The following RO60 variants were observed in gnomAD, a reference collection of about 807,000 sequenced individuals.
The protein encoded by RO60 is RNA-binding protein RO60.
RO60 carries 20 observed loss-of-function variants against 55.3 expected under a neutral mutation model. The observed-to-expected ratio is 0.36, with a 90% CI of 0.25 to 0.53. The LOEUF is 0.53. Among genes scored for constraint, RO60 ranks in the 20% least tolerant of loss-of-function variants. The pLI is 0.92. For synonymous variants in RO60, 213 were observed against 213.6 expected, an observed-to-expected ratio of 1.00 and a Z score of 0.02; for missense variants, 558 against 646.6, an observed-to-expected ratio of 0.86 and a Z score of 1.49.
rs375765890 is a variant in RO60 at position 193,067,013 on chromosome 1, C to T, written c.-21-2021C>T. On this transcript the variant is annotated intron_variant, in intron 1 of 8. Transcript: ENST00000400968. ...ACTACAGCACTTAATCACAATTTGC[C>T]TTCTCTGCACAAATCTTTCTGGATT... Among the ~76,000 whole-genome samples the T allele has an allele frequency of 3.2e-4, 49 of 151,936 alleles. 1 individual carries two copies. The South Asian group carries it at 6.4e-3, about 20-fold the overall frequency.
Position 193,084,711 on chromosome 1 carries a change from T to A in RO60, c.1597T>A (p.Phe533Ile). 1 of 1,613,032 alleles carries A rather than the reference T, an allele frequency of 6.2e-7. No individual in the cohort carries two copies. The highest frequency in any genetic ancestry group is 1.1e-5 in the South Asian group (1 of 90,772). ...TGGAGCTCTGGATGTAATTCGAAATTTCACATTAGATATGATTTAACCATA... is the reference window on the plus strand; with the variant it reads ...TGGAGCTCTGGATGTAATTCGAAATATCACATTAGATATGATTTAACCATA... ...DTGALDVIRNFTLDMI is the reference protein window; with the variant it reads ...DTGALDVIRNITLDMI Residue 533 changes from phenylalanine to isoleucine, a missense_variant, in exon 9 of 9, where the codon TTC (phenylalanine) becomes ATC (isoleucine). Coordinates refer to ENST00000400968, the MANE Select transcript of RO60 (RefSeq NM_001173524.2).
intron 1 of RO60, 51 bp from the exon 2 acceptor site, chr1:193,068,983 G>A (rs1558237109): frequency 1.8e-5 from 22 of 1,230,222 alleles, no homozygotes; most frequent in Non-Finnish European, 1.9e-5. Context: ...TTTTCCTTTT[G>A]TAATTTTATT....
At chr1:193,061,666 A>G (rs1672749832) in intron 1 of RO60, among the ~76,000 whole-genome samples, 1 of 152,238 alleles carries the variant, frequency 6.6e-6, no homozygotes, top group African/African-American at 2.4e-5. Context: ...GACATTGTAT[A>G]AAATATCCAC....
At position 193,075,857 on chromosome 1, in the gene RO60, G is replaced by A. The variant is rs1435025632; in HGVS notation, c.618G>A (p.Trp206Ter). The A allele has an allele frequency of 6.2e-7, 1 of 1,611,268 alleles. No individual in the cohort carries two copies. Among genetic ancestry groups the A allele is most frequent in the Non-Finnish European group, 8.5e-7 (1 of 1,178,914 alleles). ...AIVTKYITKGWKEVHELYKEK... is the reference protein window; with the variant it reads ...AIVTKYITKG ...TGACCAAATATATTACAAAGGGCTG[G>A]AAAGAAGTTCATGAATTGTATAAAG... Residue 206 changes from tryptophan to a stop codon, truncating the protein, a stop_gained, in exon 3 of 9, where the codon TGG becomes TGA. Transcript: ENST00000400968. LOFTEE classifies it high-confidence loss of function.
Position 193,059,850 on chromosome 1 carries a change from C to T in RO60, c.-22+74C>T, listed in dbSNP as rs573320368. 1 of 1,362,786 alleles carries T rather than the reference C, an allele frequency of 7.3e-7. No individual in the cohort carries two copies. The highest frequency in any genetic ancestry group is 1.1e-5 in the South Asian group (1 of 87,222). The allele number at this position is 1,362,786 out of a possible 1,614,324, so 84.4% of individuals were successfully genotyped here. A position where few individuals can be genotyped will look rare whatever the true frequency, so the allele number is the denominator to read the frequency against. ...GGACGCGCAAATTCTGACCAGTCCT[C>T]CATGTCTCTCACCCGCATCCCAGGG... On this transcript the variant is annotated intron_variant, in intron 1 of 8. Coordinates refer to ENST00000400968, the MANE Select transcript of RO60 (RefSeq NM_001173524.2). The surrounding 1 kb of genome is among the most constrained non-coding windows in gnomAD (Gnocchi z 4.9).
intron 8 of RO60, among the ~76,000 whole-genome samples, chr1:193,083,733 G>C (rs1291932044): frequency 6.6e-6 from 1 of 152,160 alleles, no homozygotes; most frequent in Non-Finnish European, 1.5e-5. Flanking sequence ...AAAGCTGCAG[G>C]TAAGGGAATA....
chr1:193,081,919 T>C (rs768820152), intron 6 of RO60, among the ~76,000 whole-genome samples: 10 of 152,180 alleles, frequency 6.6e-5, no homozygotes, highest in African/African-American at 9.6e-5. Context: ...GGCAAACTTT[T>C]TAGCTTCTTT....
At chr1:193,075,608 A>G (rs1462162520) in intron 2 of RO60, among the ~76,000 whole-genome samples, 1 of 152,096 alleles carries the variant, frequency 6.6e-6, no homozygotes, top group Non-Finnish European at 1.5e-5. Flanking sequence ...TTTTTACTCT[A>G]AAGTCTCATA....
At position 193,085,574 on chromosome 1, in the gene RO60, T is replaced by G. The variant is rs1674590861; in HGVS notation, c.*843T>G. On this transcript the variant is annotated 3_prime_UTR_variant, in exon 9 of 9. Coordinates refer to ENST00000400968, the MANE Select transcript of RO60 (RefSeq NM_001173524.2). ...TTTTCATACTCTTAAGTGTAAATAATATAAAATGTTTCAAGCGCTTAACTC... is the reference window on the plus strand; with the variant it reads ...TTTTCATACTCTTAAGTGTAAATAAGATAAAATGTTTCAAGCGCTTAACTC... 4 of 984,304 alleles carry G rather than the reference T, an allele frequency of 4.1e-6. No individual in the cohort carries two copies. The highest frequency in any genetic ancestry group is 3.6e-6 in the Non-Finnish European group (3 of 829,068). 61.0% of individuals were successfully genotyped at this position (984,304 alleles called of 1,614,324 possible).
chr1:193,060,295 TGTC>T (rs948369122), intron 1 of RO60: 24 of 332,874 alleles, frequency 7.2e-5, no homozygotes, highest in South Asian at 1.3e-4. Flanking sequence ...TGAAAACAAA[TGTC>T]GTGTATTAAT....
intron 5 of RO60, among the ~76,000 whole-genome samples, chr1:193,079,335 C>T (rs367558116): frequency 2.6e-5 from 4 of 152,268 alleles, no homozygotes; most frequent in South Asian, 2.1e-4. Flanking sequence ...GTGATCCGCC[C>T]ACCTTGGCCT....
intron 5 of RO60, among the ~76,000 whole-genome samples, chr1:193,078,619 C>A (rs1205600889): frequency 2.0e-5 from 3 of 151,904 alleles, no homozygotes; most frequent in East Asian, 1.9e-4. Flanking sequence ...ATTAAGAAAA[C>A]ATTTCCATTT....
downstream of RO60, chr1:193,091,568 G>T: frequency 2.6e-6 from 3 of 1,143,848 alleles, no homozygotes; most frequent in South Asian, 2.6e-5. Context: ...AATAGAGAAT[G>T]AATGAATATA....
intron 6 of RO60, 39 bp from the exon 7 acceptor site, chr1:193,082,147 C>T (rs777040542): frequency 2.2e-5 from 27 of 1,232,346 alleles, no homozygotes; most frequent in Admixed American, 6.9e-5. Flanking sequence ...TGTATTTCCC[C>T]CCAAATTTGC....
At chr1:193,075,495 C>T (rs948537709) in intron 2 of RO60, among the ~76,000 whole-genome samples, 3 of 151,744 alleles carry the variant, frequency 2.0e-5, no homozygotes, top group Non-Finnish European at 2.9e-5. Context: ...TCTGTACTCT[C>T]GTGAGTTGTT....
At chr1:193,062,804 G>A (rs922311329) in intron 1 of RO60, among the ~76,000 whole-genome samples, 2 of 152,152 alleles carry the variant, frequency 1.3e-5, no homozygotes, top group African/African-American at 4.8e-5. Context: ...TTTGTGACTG[G>A]CTTCTTTGAC....
At chr1:193,063,420 A>T (rs572957075) in intron 1 of RO60, among the ~76,000 whole-genome samples, 1 of 152,044 alleles carries the variant, frequency 6.6e-6, no homozygotes, top group South Asian at 2.1e-4. Context: ...TTATCATTTT[A>T]TTATTAAGTT....
chr1:193,084,735 T>C lies in RO60; in HGVS notation c.*4T>C. ...TTTCACATTAGATATGATTTAACCA[T>C]AAGCAGCAGCACGATCCAGAGATCC... On this transcript the variant is annotated 3_prime_UTR_variant, in exon 9 of 9. Coordinates refer to ENST00000400968, the MANE Select transcript of RO60 (RefSeq NM_001173524.2). The C allele has an allele frequency of 6.2e-7, 1 of 1,610,852 alleles. No homozygotes were observed. The highest frequency in any genetic ancestry group is 8.5e-7 in the Non-Finnish European group (1 of 1,178,956).
rs757485363 is a variant in RO60, at chr1:193,076,932, A to T, written c.968A>T (p.His323Leu). 8 of 1,611,900 alleles carry T rather than the reference A, an allele frequency of 5.0e-6. No homozygotes were observed. The highest frequency in any genetic ancestry group is 6.8e-6 in the Non-Finnish European group (8 of 1,178,858). ...LLKKARIHPF[H>L]ILIALETYKT... is the part of the protein sequence containing the mutation. ...TTCTAGGCTCGTATACATCCATTTC[A>T]TATTTTGATCGCATTAGAAACTTAC... The change falls in exon 5 of 9, where the codon CAT (histidine) becomes CTT (leucine). Residue 323 changes from histidine to leucine, a missense_variant. His to Leu is a moderately conservative substitution (Grantham distance 99). Transcript: ENST00000400968.
Sources: gnomAD v4.1 joint callset for allele counts (sites outside exome capture counted in the v4.1 genomes callset) on GRCh38, gnomAD v4.1.1 for gene constraint, Gnocchi (gnomAD v3.1) non-coding constraint, MANE v1.5 for transcripts, NCBI Gene and HGNC (gene_info 2026-07-23, HGNC 2026-07-21) for gene names.